PTPRM: variants seen among roughly 807,000 people sequenced by gnomAD.
PTPRM encodes the protein protein tyrosine phosphatase receptor type M.
PTPRM carries 47 observed loss-of-function variants against 186.7 expected under a neutral mutation model. The observed-to-expected ratio is 0.25, with a 90% CI of 0.20 to 0.32. PTPRM has a LOEUF of 0.32. PTPRM is among the 10% of genes least tolerant of loss of function. The pLI, the probability that PTPRM is intolerant of heterozygous loss-of-function variation, is 1.00. For missense variants in PTPRM, 1,494 were observed against 1,865.0 expected, an observed-to-expected ratio of 0.80 and a Z score of 3.66; for synonymous variants, 668 against 674.9, an observed-to-expected ratio of 0.99 and a Z score of 0.16.
chr18:7,684,965 C>T (rs115820988), intron 1 of PTPRM, among the ~76,000 whole-genome samples: 1,691 of 152,306 alleles, frequency 0.011, 32 homozygotes, highest in African/African-American at 0.039. Context: ...ACATTCCCAA[C>T]AACTGTGTAC....
chr18:7,877,071 ATTG>A (rs547968007), intron 2 of PTPRM, among the ~76,000 whole-genome samples: 1 of 152,314 alleles, frequency 6.6e-6, no homozygotes, highest in African/African-American at 2.4e-5. Flanking sequence ...TCCCATATTA[ATTG>A]TTAATATAGA....
intron 2 of PTPRM, among the ~76,000 whole-genome samples, chr18:7,827,343 A>T (rs909457335): frequency 6.6e-6 from 1 of 152,140 alleles, no homozygotes; most frequent in Non-Finnish European, 1.5e-5. Context: ...TTCATTAAAG[A>T]TAGCTGAAGC....
chr18:8,230,343 C>T (rs541302519), intron 14 of PTPRM, among the ~76,000 whole-genome samples: 6 of 152,230 alleles, frequency 3.9e-5, no homozygotes, highest in Admixed American at 6.5e-5. Context: ...ATACAGTTAG[C>T]GATGTTAGAA....
intron 7 of PTPRM, among the ~76,000 whole-genome samples, chr18:8,051,690 A>G (rs2087510788): frequency 6.6e-6 from 1 of 152,180 alleles, no homozygotes; most frequent in Non-Finnish European, 1.5e-5. Context: ...TCTGTAGTCT[A>G]ACTTTCCATT....
At position 8,135,612 on chromosome 18, in the gene PTPRM, C is replaced by T. The variant is rs146236804; in HGVS notation, c.2168-8035C>T. On this transcript the variant is annotated intron_variant, in intron 13 of 32. Coordinates refer to ENST00000580170, the MANE Select transcript of PTPRM (RefSeq NM_001105244.2). ...CTGTTTTAGAATATATTAAACACAA[C>T]GCCACAATAAATATAAGCCATATTT... 1.8e-3 allele frequency among the ~76,000 whole-genome samples: 275 copies of T among 152,282 alleles called. 1 individual carries two copies. The highest frequency in any genetic ancestry group is 5.6e-3 in the Admixed American group (86 of 15,304).
chr18:8,186,113 G>A (rs1217574863), intron 14 of PTPRM, among the ~76,000 whole-genome samples: 3 of 152,024 alleles, frequency 2.0e-5, no homozygotes, highest in Admixed American at 6.5e-5. Context: ...AGATCACGAG[G>A]TCAAGAGATC....
chr18:8,005,512 A>G (rs2084126365), intron 7 of PTPRM, among the ~76,000 whole-genome samples: 1 of 152,204 alleles, frequency 6.6e-6, no homozygotes, highest in South Asian at 2.1e-4. Context: ...GTTGAGGTTG[A>G]CATATGCCCA....
intron 5 of PTPRM, among the ~76,000 whole-genome samples, chr18:7,941,722 C>T (rs931764188): frequency 4.6e-5 from 7 of 152,330 alleles, no homozygotes; most frequent in Middle Eastern, 3.4e-3. Context: ...CGAGCAGCTG[C>T]GACTCTGGTC....
chr18:8,247,759 A>T (rs2094491296), intron 15 of PTPRM, 86 bp from the exon 16 acceptor site: 3 of 918,370 alleles, frequency 3.3e-6, no homozygotes, highest in Non-Finnish European at 5.3e-6. Flanking sequence ...GGTAGCATGG[A>T]GTCACCATGG....
At chr18:7,575,308 C>CTGCG (rs1225719633) in intron 1 of PTPRM, among the ~76,000 whole-genome samples, 1 of 152,222 alleles carries the variant, frequency 6.6e-6, no homozygotes, top group African/African-American at 2.4e-5. Context: ...CTAGGTGTAG[C>CTGCG]TGCGTCCCTT....
At chr18:7,734,824 A>G (rs952207647) in intron 1 of PTPRM, among the ~76,000 whole-genome samples, 8 of 152,184 alleles carry the variant, frequency 5.3e-5, no homozygotes, top group African/African-American at 1.9e-4. Context: ...AGGACAAAAA[A>G]TTACCTGTCT....
At chr18:7,842,947 T>TATATAGAGAGAGAGAGAGAGAGAGAGAG (rs370746043) in intron 2 of PTPRM, among the ~76,000 whole-genome samples, 3 of 112,128 alleles carry the variant, frequency 2.7e-5, no homozygotes, top group African/African-American at 1.3e-4. Flanking sequence ...TATATATATA[T>TATATAGAGAGAGAGAGAGAGAGAGAGAG]AGAGAGAGAG....
rs187520857 is a variant in PTPRM at position 7,980,091 on chromosome 18, G to A, written c.1132+24677G>A. ...CTCCCCCTTGGCCGTGCCTGTCTTCGCAGCCCCACAAAATATTTTTTTCTA... is the reference window on the plus strand; with the variant it reads ...CTCCCCCTTGGCCGTGCCTGTCTTCACAGCCCCACAAAATATTTTTTTCTA... On this transcript the variant is annotated intron_variant, in intron 7 of 32. Coordinates refer to ENST00000580170, the MANE Select transcript of PTPRM (RefSeq NM_001105244.2). Among the ~76,000 whole-genome samples, 569 of 149,340 alleles carry A rather than the reference G, an allele frequency of 3.8e-3. 2 individuals are homozygous for A. The highest frequency in any genetic ancestry group is 0.013 in the African/African-American group (535 of 41,358).
intron 10 of PTPRM, 90 bp downstream of exon 10, chr18:8,085,962 C>T (rs939848332): frequency 8.0e-7 from 1 of 1,254,604 alleles, no homozygotes; most frequent in Non-Finnish European, 1.2e-6. Context: ...AGCTCGCCCA[C>T]ACTAACATTG....
chr18:7,984,598 T>C (rs188888843), intron 7 of PTPRM, among the ~76,000 whole-genome samples: 9,517 of 114,660 alleles, frequency 0.083, 463 homozygotes, highest in Middle Eastern at 0.23. Flanking sequence ...TATATATATA[T>C]ATATACACAC....
At chr18:7,767,974 G>T (rs188788279) in intron 1 of PTPRM, among the ~76,000 whole-genome samples, 2 of 152,290 alleles carry the variant, frequency 1.3e-5, no homozygotes, top group Admixed American at 1.3e-4. Flanking sequence ...AATAATTGCA[G>T]CCAGATTTTG....
At chr18:7,700,474 A>G (rs2039936037) in intron 1 of PTPRM, among the ~76,000 whole-genome samples, 2 of 152,190 alleles carry the variant, frequency 1.3e-5, no homozygotes, top group Non-Finnish European at 1.5e-5. Flanking sequence ...AGATATAAAG[A>G]AGACAAATTA....
intron 23 of PTPRM, among the ~76,000 whole-genome samples, chr18:8,344,195 A>G (rs2095491071): frequency 6.6e-6 from 1 of 152,092 alleles, no homozygotes; most frequent in Admixed American, 6.6e-5. Context: ...GGTTGTGCTA[A>G]CTGAAGAGAA....
chr18:8,234,536 C>T (rs180842460), intron 14 of PTPRM, among the ~76,000 whole-genome samples: 12 of 152,174 alleles, frequency 7.9e-5, no homozygotes, highest in Admixed American at 2.0e-4. Context: ...GAACAAAGAG[C>T]GTTTCATTCA....
Sources: gnomAD v4.1 joint callset for allele counts (sites outside exome capture counted in the v4.1 genomes callset) on GRCh38, gnomAD v4.1.1 for gene constraint, MANE v1.5 for transcripts, NCBI Gene and HGNC (gene_info 2026-07-23, HGNC 2026-07-21) for gene names.